The following CSMD3 variants were observed in gnomAD, a reference collection of about 807,000 sequenced individuals.
CSMD3 encodes CUB and sushi domain-containing protein 3.
Under a neutral mutation model 435.2 loss-of-function variants are expected in CSMD3, and 177 were observed. The observed-to-expected ratio is 0.41, with a 90% CI of 0.36 to 0.46. CSMD3 has a LOEUF of 0.46. Among genes scored for constraint, CSMD3 ranks in the 20% least tolerant of loss-of-function variants. CSMD3 has a pLI of 0.34. For synonymous variants in CSMD3, 1,656 were observed against 1,520.5 expected (o/e 1.09, Z -2.07); for missense variants, 4,265 against 4,504.6 (o/e 0.95, Z 1.52).
intron 32 of CSMD3, 55 bp downstream of exon 32, chr8:112,472,536 G>C: frequency 1.0e-6 from 1 of 964,190 alleles, no homozygotes; most frequent in Non-Finnish European, 1.7e-6. Context: ...AGCATGTAGT[G>C]AAAAATAAAG....
intron 3 of CSMD3, among the ~76,000 whole-genome samples, chr8:113,178,624 G>C (rs913792012): frequency 1.3e-5 from 2 of 151,894 alleles, no homozygotes; most frequent in Admixed American, 1.3e-4. Flanking sequence ...GATCTGGAAA[G>C]GATTTCCTGA....
chr8:113,149,081 T>C (rs1227684112), intron 4 of CSMD3, among the ~76,000 whole-genome samples: 1 of 151,812 alleles, frequency 6.6e-6, no homozygotes, highest in Non-Finnish European at 1.5e-5. Context: ...CAAAATCTTC[T>C]GAGGAGCAGG....
At chr8:112,519,407 A>G (rs1020350836) in intron 27 of CSMD3, among the ~76,000 whole-genome samples, 1 of 152,110 alleles carries the variant, frequency 6.6e-6, no homozygotes, top group African/African-American at 2.4e-5. Context: ...TGACCTGTAA[A>G]ATCCCATGAA....
chr8:112,563,504 CAT>C (rs1359941617), intron 24 of CSMD3, among the ~76,000 whole-genome samples: 1 of 151,262 alleles, frequency 6.6e-6, no homozygotes, highest in African/African-American at 2.4e-5. Flanking sequence ...ATCTGTTAGA[CAT>C]AATCTAGTAA....
At chr8:113,266,284 T>C (rs994358951) in intron 3 of CSMD3, among the ~76,000 whole-genome samples, 2 of 151,056 alleles carry the variant, frequency 1.3e-5, no homozygotes, top group African/African-American at 4.8e-5. Context: ...AGTAAAACTA[T>C]CCTTTTATAT....
intron 38 of CSMD3, among the ~76,000 whole-genome samples, chr8:112,358,251 C>T (rs2131097937): frequency 6.6e-6 from 1 of 152,312 alleles, no homozygotes; most frequent in African/African-American, 2.4e-5. Context: ...TGTACCCCCA[C>T]TGTATCTCGG....
chr8:113,040,335 C>A (rs2087553682), intron 5 of CSMD3, among the ~76,000 whole-genome samples: 1 of 152,130 alleles, frequency 6.6e-6, no homozygotes, highest in Non-Finnish European at 1.5e-5. Context: ...TGATTATAGT[C>A]TTCCATAAGG....
At chr8:112,697,817 A>G (rs756879779) in intron 13 of CSMD3, among the ~76,000 whole-genome samples, 30 of 152,128 alleles carry the variant, frequency 2.0e-4, no homozygotes, top group Non-Finnish European at 2.9e-4. Context: ...GTATTAGCTA[A>G]GTCTCCTTGG....
In CSMD3 at chr8:112,751,399, G is replaced by A. The variant is rs934092461; in HGVS notation, c.1972+48763C>T. ...ACACAAATTAATTGATATATAAATT[G>A]CAAATATGTCCATAAGAAAGCAAGG... On this transcript the variant is annotated intron_variant, in intron 13 of 70. Transcript: ENST00000297405. Among the ~76,000 whole-genome samples the A allele has an allele frequency of 2.6e-5, 4 of 152,028 alleles. 1 individual carries two copies.
intron 3 of CSMD3, among the ~76,000 whole-genome samples, chr8:113,248,515 A>G (rs1158938863): frequency 7.7e-6 from 1 of 129,186 alleles, no homozygotes; most frequent in Admixed American, 7.8e-5. Context: ...ATATATTTCC[A>G]TATTATATAT....
intron 23 of CSMD3, among the ~76,000 whole-genome samples, chr8:112,574,474 A>G (rs976885179): frequency 3.3e-5 from 5 of 151,990 alleles, no homozygotes; most frequent in African/African-American, 1.2e-4. Flanking sequence ...CTTCAGCAAA[A>G]AAGTTCTAGA....
intron 2 of CSMD3, among the ~76,000 whole-genome samples, chr8:113,295,306 T>C (rs1293033569): frequency 6.6e-6 from 1 of 152,106 alleles, no homozygotes; most frequent in African/African-American, 2.4e-5. Flanking sequence ...AGAACTATAA[T>C]TCAAAAGAGG....
At chr8:113,306,242 A>C (rs1204369194) in intron 2 of CSMD3, among the ~76,000 whole-genome samples, 1 of 152,180 alleles carries the variant, frequency 6.6e-6, no homozygotes, top group African/African-American at 2.4e-5. Context: ...CAGACAGTAG[A>C]GCCTCTGCGT....
intron 1 of CSMD3, among the ~76,000 whole-genome samples, chr8:113,413,785 G>A (rs1273300341): frequency 6.6e-6 from 1 of 152,100 alleles, no homozygotes; most frequent in African/African-American, 2.4e-5. Context: ...GGTAAGTGAT[G>A]TAACATGTAC....
intron 17 of CSMD3, among the ~76,000 whole-genome samples, chr8:112,657,423 A>T (rs1186694046): frequency 6.6e-6 from 1 of 152,136 alleles, no homozygotes; most frequent in Admixed American, 6.5e-5. Context: ...ATCAAAACCA[A>T]GTCTCCCTGA....
intron 13 of CSMD3, among the ~76,000 whole-genome samples, chr8:112,727,822 G>A (rs1322832688): frequency 6.6e-6 from 1 of 151,528 alleles, no homozygotes; most frequent in Non-Finnish European, 1.5e-5. Context: ...ATTCTAAATG[G>A]CATTTTTAAA....
intron 32 of CSMD3, among the ~76,000 whole-genome samples, chr8:112,461,380 A>G (rs1817428951): frequency 6.6e-6 from 1 of 152,250 alleles, no homozygotes; most frequent in Non-Finnish European, 1.5e-5. Flanking sequence ...TTCTCCATAA[A>G]AAGTTTTCCA....
intron 13 of CSMD3, among the ~76,000 whole-genome samples, chr8:112,741,730 T>G (rs1381259904): frequency 6.6e-6 from 1 of 151,620 alleles, no homozygotes; most frequent in Non-Finnish European, 1.5e-5. Context: ...CATCAAAAGG[T>G]TATTTGAGCA....
intron 32 of CSMD3, among the ~76,000 whole-genome samples, chr8:112,471,366 AAC>A (rs1440467047): frequency 6.6e-6 from 1 of 152,188 alleles, no homozygotes; most frequent in Non-Finnish European, 1.5e-5. Flanking sequence ...GCAAAAAATA[AAC>A]ACAGTTAAGT....
Sources: allele counts gnomAD v4.1 joint callset (sites outside exome capture counted in the v4.1 genomes callset), GRCh38; gene constraint gnomAD v4.1.1; transcripts MANE v1.5; gene names NCBI Gene and HGNC (gene_info 2026-07-23, HGNC 2026-07-21).